DENND1A: variants seen among roughly 807,000 people sequenced by gnomAD.
The protein encoded by DENND1A is DENN domain-containing protein 1A.
DENND1A carries 51 observed loss-of-function variants against 113.7 expected under a neutral mutation model. The ratio of observed to expected loss-of-function variants is 0.45; its 90% CI spans 0.36 to 0.57. The LOEUF (loss-of-function observed/expected upper bound fraction) is 0.57, where lower values mean the gene tolerates loss of function less well. Ranked by LOEUF, DENND1A falls within the 20% of genes least tolerant of loss-of-function variation. The pLI, the probability that DENND1A is intolerant of heterozygous loss-of-function variation, is 0.00. For synonymous variants in DENND1A, 565 were observed against 570.8 expected (o/e 0.99, Z 0.14); for missense variants, 1,258 against 1,395.9 (o/e 0.90, Z 1.57).
In DENND1A at chr9:123,594,389, G is replaced by A. The variant is rs901227221; in HGVS notation, c.766-11119C>T. 8.5e-5 allele frequency among the ~76,000 whole-genome samples: 13 copies of A among 152,104 alleles called. 1 individual carries two copies. The highest frequency in any genetic ancestry group is 7.9e-4 in the Admixed American group (12 of 15,266). On this transcript the variant is annotated intron_variant, in intron 11 of 23. Transcript: ENST00000394215. Reference sequence around the variant, plus strand: ...CTGTGGAGAGAGATGGAAACTGAGGGTCAGAGAGGTAAAATAACTCGTCGG... The same window carrying A: ...CTGTGGAGAGAGATGGAAACTGAGGATCAGAGAGGTAAAATAACTCGTCGG...
Position 123,454,796 on chromosome 9 carries a change from C to T in DENND1A, c.1187-17G>A. On this transcript the variant is annotated splice_polypyrimidine_tract_variant and intron_variant, in intron 15 of 23. Coordinates refer to ENST00000394215, the MANE Select transcript of DENND1A (RefSeq NM_001352964.2). ...TGTCACTGCCTGGGGAAAGAGAATT[C>T]AGAGAAGCTGTCACTTAAAGAGGTG... is the stretch of plus-strand genomic sequence containing the variant. 1 of 1,551,900 alleles carries T rather than the reference C, an allele frequency of 6.4e-7. No individual in the cohort carries two copies.
At chr9:123,533,355 C>T (rs968168118) in intron 13 of DENND1A, among the ~76,000 whole-genome samples, 9 of 152,218 alleles carry the variant, frequency 5.9e-5, no homozygotes, top group Non-Finnish European at 1.0e-4. Flanking sequence ...CAAATTCATT[C>T]GCCCACTCTC....
chr9:123,387,814 T>C lies in DENND1A; in HGVS notation c.1676A>G (p.Asp559Gly), dbSNP rs1352843543. Residue 559 changes from aspartate (D) to glycine (G), a missense_variant, in exon 22 of 24, where the codon GAC (aspartate) becomes GGC (glycine). Coordinates refer to ENST00000394215, the MANE Select transcript of DENND1A (RefSeq NM_001352964.2). ...CCGCTGGCATTCATCATCAGAGGAG[T>C]CTTCGGAGAGGAAGACCGCATAGTG... ...LRHYAVFLSEDSSDDECQREE... is the reference protein window; with the variant it reads ...LRHYAVFLSEGSSDDECQREE... 6 of 1,289,228 alleles carry C rather than the reference T, an allele frequency of 4.7e-6. No individual in the cohort carries two copies. The highest frequency in any genetic ancestry group is 5.1e-6 in the Non-Finnish European group (5 of 988,746). 79.9% of individuals were successfully genotyped at this position (1,289,228 alleles called of 1,614,324 possible).
intron 5 of DENND1A, among the ~76,000 whole-genome samples, chr9:123,754,333 T>C (rs1211015385): frequency 6.6e-6 from 1 of 152,200 alleles, no homozygotes; most frequent in Non-Finnish European, 1.5e-5. Flanking sequence ...ATTTACATGC[T>C]AGTCTCAGCC....
At chr9:123,712,816 G>C (rs1357320809) in intron 5 of DENND1A, among the ~76,000 whole-genome samples, 2 of 152,224 alleles carry the variant, frequency 1.3e-5, no homozygotes, top group Admixed American at 6.5e-5. Flanking sequence ...TAGAAATCAA[G>C]TTCAACTCTG....
chr9:123,501,054 C>T (rs569630233), intron 13 of DENND1A, among the ~76,000 whole-genome samples: 10 of 152,172 alleles, frequency 6.6e-5, no homozygotes, highest in Non-Finnish European at 1.2e-4. Flanking sequence ...GAACTCTTTT[C>T]ATCTTGTAAA....
chr9:123,818,731 G>A (rs1337395936), intron 2 of DENND1A, among the ~76,000 whole-genome samples: 1 of 151,984 alleles, frequency 6.6e-6, no homozygotes, highest in African/African-American at 2.4e-5. Context: ...ACTCATGTGT[G>A]GAATCGTCCA....
intron 6 of DENND1A, among the ~76,000 whole-genome samples, chr9:123,675,888 A>C (rs2064047885): frequency 6.6e-6 from 1 of 152,220 alleles, no homozygotes; most frequent in Non-Finnish European, 1.5e-5. Flanking sequence ...CCTTTTAAGG[A>C]AACAATCCAA....
At chr9:123,632,210 CTCTT>C (rs1335799472) in intron 9 of DENND1A, among the ~76,000 whole-genome samples, 1 of 151,960 alleles carries the variant, frequency 6.6e-6, no homozygotes, top group African/African-American at 2.4e-5. Flanking sequence ...CCTGCCCTGA[CTCTT>C]TCCTCCAGAC....
intron 13 of DENND1A, among the ~76,000 whole-genome samples, chr9:123,469,594 A>C (rs2049233540): frequency 6.6e-6 from 1 of 152,228 alleles, no homozygotes; most frequent in African/African-American, 2.4e-5. Flanking sequence ...GGCCTGTGGA[A>C]GCTAAGGAGA....
At chr9:123,787,141 T>G (rs1778900) in intron 3 of DENND1A, among the ~76,000 whole-genome samples, 64,590 of 151,896 alleles carry the variant, frequency 0.43, 16,889 homozygotes, top group African/African-American at 0.74. Flanking sequence ...CCACACTGCT[T>G]CTTATGTTTC....
chr9:123,912,486 C>CA (rs755823170), intron 1 of DENND1A, among the ~76,000 whole-genome samples: 2 of 152,076 alleles, frequency 1.3e-5, no homozygotes, highest in Non-Finnish European at 2.9e-5. Flanking sequence ...GCTAATAAGT[C>CA]AAAAAATTTT....
chr9:123,501,255 G>A (rs752212690), intron 13 of DENND1A, among the ~76,000 whole-genome samples: 2 of 152,168 alleles, frequency 1.3e-5, no homozygotes, highest in Non-Finnish European at 2.9e-5. Context: ...CATCCATGGT[G>A]TAGCATGTGT....
intron 8 of DENND1A, among the ~76,000 whole-genome samples, chr9:123,655,322 CA>C (rs1435477337): frequency 1.3e-5 from 2 of 152,168 alleles, no homozygotes; most frequent in Non-Finnish European, 2.9e-5. Context: ...ACGGAGGAAG[CA>C]ATGGCTGAGG....
At chr9:123,682,159 C>A (rs1165080514) in intron 5 of DENND1A, among the ~76,000 whole-genome samples, 1 of 152,202 alleles carries the variant, frequency 6.6e-6, no homozygotes, top group East Asian at 1.9e-4. Context: ...AAAACAAAAT[C>A]TTAATGTAAT....
intron 12 of DENND1A, among the ~76,000 whole-genome samples, chr9:123,575,602 T>C (rs1166894088): frequency 1.3e-5 from 2 of 152,208 alleles, no homozygotes; most frequent in African/African-American, 4.8e-5. Flanking sequence ...TTGGTTAAGG[T>C]AGTGTCTGCC....
At chr9:123,571,818 T>C (rs920801952) in intron 12 of DENND1A, among the ~76,000 whole-genome samples, 1 of 152,136 alleles carries the variant, frequency 6.6e-6, no homozygotes, top group African/African-American at 2.4e-5. Flanking sequence ...AATAGCCAGG[T>C]GTGGGATTGT....
At chr9:123,751,940 C>T (rs560974590) in intron 5 of DENND1A, 9 of 152,302 alleles carry the variant, frequency 5.9e-5, no homozygotes, top group African/African-American at 1.9e-4. Flanking sequence ...TTTCTTAAAA[C>T]AACACTGATC....
chr9:123,614,341 C>A (rs1270648094), intron 10 of DENND1A, among the ~76,000 whole-genome samples: 1 of 152,178 alleles, frequency 6.6e-6, no homozygotes, highest in Non-Finnish European at 1.5e-5. Flanking sequence ...GGTTCCAGGC[C>A]TGTGATGCTG....
Sources: gnomAD v4.1 joint callset for allele counts (sites outside exome capture counted in the v4.1 genomes callset) on GRCh38, gnomAD v4.1.1 for gene constraint, MANE v1.5 for transcripts, NCBI Gene and HGNC (gene_info 2026-07-23, HGNC 2026-07-21) for gene names.